DMAC2L: variants seen among roughly 807,000 people sequenced by gnomAD.
The protein encoded by DMAC2L is distal membrane arm assembly component 2 like.
A neutral mutation model predicts 22.5 loss-of-function variants in DMAC2L; 21 were observed. The observed-to-expected ratio is 0.93, with a 90% CI of 0.66 to 1.34. The LOEUF is 1.34. DMAC2L is among the 40% of genes most tolerant of loss of function. DMAC2L has a pLI of 0.00. For synonymous variants in DMAC2L, 86 were observed against 89.5 expected (o/e 0.96, Z 0.22); for missense variants, 239 against 246.5 (o/e 0.97, Z 0.20).
intron 4 of DMAC2L, chr14:50,323,028 A>G: frequency 7.9e-7 from 1 of 1,264,328 alleles, no homozygotes; most frequent in Non-Finnish European, 1.0e-6. Context: ...GCCCTCAATA[A>G]TGCAGGAATA....
Position 50,325,743 on chromosome 14 carries a change from G to A in DMAC2L, c.*20G>A. On this transcript the variant is annotated 3_prime_UTR_variant, in exon 6 of 6. Coordinates refer to ENST00000557421, the MANE Select transcript of DMAC2L (RefSeq NM_001382507.1). ...AAGTAAAATAATGTGTCTTATTTCAGTATAAAGGATCATTTGAAACTGTTG... is the reference window on the plus strand; with the variant it reads ...AAGTAAAATAATGTGTCTTATTTCAATATAAAGGATCATTTGAAACTGTTG... 1 of 1,596,046 alleles carries A rather than the reference G, an allele frequency of 6.3e-7. No homozygotes were observed.
rs374600146 is a variant in DMAC2L, at chr14:50,323,901, C to T, written c.317-44C>T. 6.6e-6 allele frequency: 10 copies of T among 1,518,084 alleles called. No individual in the cohort carries two copies. In the African/African-American group the frequency reaches 1.4e-4, roughly 21 times the overall value. The allele number at this position is 1,518,084 out of a possible 1,614,324, so 94.0% of individuals were successfully genotyped here. A position where few individuals can be genotyped will look rare whatever the true frequency, so the allele number is the denominator to read the frequency against. On this transcript the variant is annotated intron_variant, in intron 4 of 5. Transcript: ENST00000557421. ...TGGGCAAACCAGGACAGTTTGTCAT[C>T]TTAGTGGTAAAGCAGATTCTTAATC... is the stretch of plus-strand genomic sequence containing the variant.
chr14:50,322,403 C>T, intron 3 of DMAC2L, 108 bp from the exon 4 acceptor site: 1 of 1,188,070 alleles, frequency 8.4e-7, no homozygotes, highest in Non-Finnish European at 1.1e-6. Flanking sequence ...CCTCGTCAGT[C>T]ACTTGAAATG....
intron 3 of DMAC2L, among the ~76,000 whole-genome samples, chr14:50,322,095 TTAA>T (rs1328811182): frequency 3.3e-5 from 5 of 152,192 alleles, no homozygotes; most frequent in African/African-American, 1.2e-4. Flanking sequence ...TAAATATCAC[TTAA>T]TGAGATTAAT....
chr14:50,323,053 G>C, intron 4 of DMAC2L: 1 of 982,844 alleles, frequency 1.0e-6, no homozygotes, highest in Non-Finnish European at 1.2e-6. Context: ...TATCCACACA[G>C]CTTCTGCTTA....
chr14:50,312,178 G>T (rs747728551), upstream of DMAC2L: 2 of 1,607,106 alleles, frequency 1.2e-6, no homozygotes, highest in Admixed American at 1.7e-5. Flanking sequence ...CTCCCTCAGC[G>T]CTCAGAAGAA....
chr14:50,312,207 G>A (rs1656973448), upstream of DMAC2L: 2 of 1,595,250 alleles, frequency 1.3e-6, no homozygotes, highest in Non-Finnish European at 1.7e-6. Context: ...ACCCTCCACG[G>A]CCGAGGACCC....
rs1448844717 is a variant in DMAC2L at position 50,321,360 on chromosome 14, T to TAATTGTTGAG, written c.-5-122_-5-113dup. ...CAAGAAACAGGAGTGACTTGCTCAGTAATTGTTGAGTGGCAAGTGAGTCAT... is the reference window on the plus strand; with the variant it reads ...CAAGAAACAGGAGTGACTTGCTCAGTAATTGTTGAGAATTGTTGAGTGGCAAGTGAGTCAT... On this transcript the variant is annotated intron_variant, in intron 2 of 5. Transcript: ENST00000557421. 4 of 1,403,460 alleles carry TAATTGTTGAG rather than the reference T, an allele frequency of 2.9e-6. No homozygotes were observed. The African/African-American group carries it at 5.8e-5, about 20-fold the overall frequency. 86.9% of individuals were successfully genotyped at this position (1,403,460 alleles called of 1,614,324 possible). A position where few individuals can be genotyped will look rare whatever the true frequency, so the allele number is the denominator to read the frequency against.
chr14:50,312,273 C>T, upstream of DMAC2L: 2 of 1,436,330 alleles, frequency 1.4e-6, no homozygotes, highest in Non-Finnish European at 1.9e-6. Context: ...CGCCTTCGCC[C>T]CATGTGGGAG....
chr14:50,321,690 G>T, intron 3 of DMAC2L, 96 bp downstream of exon 3: 5 of 848,204 alleles, frequency 5.9e-6, no homozygotes, highest in Non-Finnish European at 9.2e-6. Context: ...TTTACAGTTT[G>T]TGCAGTGTGA....
At chr14:50,321,863 A>C (rs1392627176) in intron 3 of DMAC2L, among the ~76,000 whole-genome samples, 1 of 152,192 alleles carries the variant, frequency 6.6e-6, no homozygotes, top group Admixed American at 6.5e-5. Context: ...ACATTTTATA[A>C]TCAGAAAAAC....
chr14:50,311,984 C>A, upstream of DMAC2L: 1 of 1,548,310 alleles, frequency 6.5e-7, no homozygotes, highest in African/African-American at 1.4e-5. Context: ...GCAGCGCAGG[C>A]GGCGGGGAGG....
chr14:50,319,959 C>A (rs762435584), intron 2 of DMAC2L, among the ~76,000 whole-genome samples: 9 of 152,214 alleles, frequency 5.9e-5, no homozygotes, highest in African/African-American at 2.2e-4. Flanking sequence ...CCCAACTAGG[C>A]CCTTTCGTAT....
Position 50,326,086 on chromosome 14 carries a change from T to A in DMAC2L, c.*363T>A. 1 of 264,100 alleles carries A rather than the reference T, an allele frequency of 3.8e-6. No homozygotes were observed. The highest frequency in any genetic ancestry group is 5.9e-6 in the Non-Finnish European group (1 of 168,168). 16.4% of individuals were successfully genotyped at this position (264,100 alleles called of 1,614,324 possible). A position where few individuals can be genotyped will look rare whatever the true frequency, so the allele number is the denominator to read the frequency against. ...TCTCTACTAAAAAAACAAAATTAGC[T>A]GAATGTGGTGGTGCACGCCTTTAAT... On this transcript the variant is annotated 3_prime_UTR_variant, in exon 6 of 6. Transcript: ENST00000557421.
Position 50,326,531 on chromosome 14 carries a change from T to G in DMAC2L, c.*808T>G, listed in dbSNP as rs930248502. 4 of 985,328 alleles carry G rather than the reference T, an allele frequency of 4.1e-6. No homozygotes were observed. The African/African-American group carries it at 5.2e-5, about 13-fold the overall frequency. The allele number at this position is 985,328 out of a possible 1,614,324, so 61.0% of individuals were successfully genotyped here. A position where few individuals can be genotyped will look rare whatever the true frequency, so the allele number is the denominator to read the frequency against. On this transcript the variant is annotated 3_prime_UTR_variant, in exon 6 of 6. Transcript: ENST00000557421. ...ATTGCTTCAACAGGATTTGCGTGCA[T>G]TTCCCATGATCCTGCATTCTTGTGT...
intron 2 of DMAC2L, among the ~76,000 whole-genome samples, chr14:50,320,423 A>G (rs2032172183): frequency 6.6e-6 from 1 of 152,158 alleles, no homozygotes; most frequent in Non-Finnish European, 1.5e-5. Context: ...CATACAGAAT[A>G]CAGTCCAAAT....
upstream of DMAC2L, chr14:50,312,162 G>A: frequency 3.1e-6 from 5 of 1,608,898 alleles, no homozygotes; most frequent in South Asian, 1.1e-5. Context: ...CCCTACGCAC[G>A]CTCCCCTCCC....
At chr14:50,317,526 T>C (rs1053956065) in intron 2 of DMAC2L, among the ~76,000 whole-genome samples, 17 of 152,166 alleles carry the variant, frequency 1.1e-4, no homozygotes, top group Admixed American at 3.9e-4. Context: ...CCCAGCACTT[T>C]GGGAGGCCAA....
rs758141041 is a variant in DMAC2L at position 50,319,409 on chromosome 14, C to T, written c.-5-2074C>T. On this transcript the variant is annotated intron_variant, in intron 2 of 5. Coordinates refer to ENST00000557421, the MANE Select transcript of DMAC2L (RefSeq NM_001382507.1). ...TTCCCTCTCAGGCATCTTTCTAGTC[C>T]TCTTCTTTCTCTTGAATTCCAGAAC... 2.8e-6 allele frequency: 4 copies of T among 1,437,966 alleles called. No homozygotes were observed. The Admixed American group carries it at 6.4e-5, about 23-fold the overall frequency. 89.1% of individuals were successfully genotyped at this position (1,437,966 alleles called of 1,614,324 possible). A position where few individuals can be genotyped will look rare whatever the true frequency, so the allele number is the denominator to read the frequency against.
Sources: gnomAD v4.1 joint callset for allele counts (sites outside exome capture counted in the v4.1 genomes callset) on GRCh38, gnomAD v4.1.1 for gene constraint, MANE v1.5 for transcripts, NCBI Gene and HGNC (gene_info 2026-07-23, HGNC 2026-07-21) for gene names.